The following XKR7 variants were observed in gnomAD, a reference collection of about 807,000 sequenced individuals.
XKR7 encodes the protein XK-related protein 7.
Under a neutral mutation model 42.2 loss-of-function variants are expected in XKR7, and 11 were observed. The ratio of observed to expected loss-of-function variants is 0.26; its 90% confidence interval spans 0.16 to 0.43. The LOEUF is 0.43. Among genes scored for constraint, XKR7 ranks in the 20% least tolerant of loss-of-function variants. XKR7 has a pLI of 1.00. For missense variants in XKR7, 710 were observed against 802.2 expected (o/e 0.89, Z 1.39); for synonymous variants, 346 against 366.4 (o/e 0.94, Z 0.64).
At chr20:31,988,783 T>C (rs1325175222) in intron 1 of XKR7, among the ~76,000 whole-genome samples, 1 of 152,142 alleles carries the variant, frequency 6.6e-6, no homozygotes, top group Non-Finnish European at 1.5e-5. Flanking sequence ...GAGGGCTTCC[T>C]GTAGGAAGAA....
chr20:31,969,981 A>C (rs995189455), intron 1 of XKR7, among the ~76,000 whole-genome samples: 1 of 152,150 alleles, frequency 6.6e-6, no homozygotes, highest in Non-Finnish European at 1.5e-5. Flanking sequence ...CCAGCTGCTC[A>C]CTTGCTGTGT....
intron 1 of XKR7, among the ~76,000 whole-genome samples, chr20:31,971,824 T>C: frequency 6.6e-6 from 1 of 151,904 alleles, no homozygotes; most frequent in East Asian, 1.9e-4. Context: ...ATACAAGGGG[T>C]GTCAGACAAG....
At position 31,997,118 on chromosome 20, in the gene XKR7, C is replaced by T. The variant is rs1310101503; in HGVS notation, c.1401C>T (p.Asp467=). The change falls in exon 3 of 3, where the codon GAC becomes GAT. Residue 467 remains aspartate (D), a synonymous_variant. Coordinates refer to ENST00000562532, the MANE Select transcript of XKR7 (RefSeq NM_001011718.2). ...KASEPCGPPA[D]AITSPPRSLP... ...CAGAGCCCTGTGGCCCACCCGCTGA[C>T]GCCATCACGAGTCCCCCCAGGTCCC... The T allele has an allele frequency of 6.2e-7, 1 of 1,612,936 alleles. No homozygotes were observed. Among genetic ancestry groups the T allele is most frequent in the South Asian group, 1.1e-5 (1 of 91,086 alleles).
Position 31,996,545 on chromosome 20 carries a change from G to T in XKR7, c.828G>T (p.Thr276=). Reference sequence around the variant, plus strand: ...CCTCCCTCGTGTCTCTGGCCTGGACGCTGGCCTCCTACCAGAAGGTGCTGC... The same window carrying T: ...CCTCCCTCGTGTCTCTGGCCTGGACTCTGGCCTCCTACCAGAAGGTGCTGC... ...TSASLVSLAW[T]LASYQKVLRD... The change falls in exon 3 of 3, where the codon ACG becomes ACT. Residue 276 remains threonine, a synonymous_variant. Transcript: ENST00000562532. 6.7e-7 allele frequency: 1 copy of T among 1,491,798 alleles called. No individual in the cohort carries two copies. The highest frequency in any genetic ancestry group is 8.9e-7 in the Non-Finnish European group (1 of 1,124,112). The allele number at this position is 1,491,798 out of a possible 1,614,324, so 92.4% of individuals were successfully genotyped here. A position where few individuals can be genotyped will look rare whatever the true frequency, so the allele number is the denominator to read the frequency against.
chr20:31,988,531 T>A (rs960253450), intron 1 of XKR7, among the ~76,000 whole-genome samples: 1 of 152,194 alleles, frequency 6.6e-6, no homozygotes, highest in Non-Finnish European at 1.5e-5. Flanking sequence ...TGTACACTCA[T>A]CTGCTCTTCC....
intron 1 of XKR7, among the ~76,000 whole-genome samples, chr20:31,989,859 C>T (rs576578647): frequency 1.5e-3 from 227 of 152,290 alleles, no homozygotes; most frequent in Non-Finnish European, 2.5e-3. Context: ...GTGATCCTCC[C>T]GCCTTGGCCT....
intron 1 of XKR7, among the ~76,000 whole-genome samples, chr20:31,979,210 C>CTTATCT (rs2064500031): frequency 1.3e-5 from 2 of 150,588 alleles, no homozygotes; most frequent in Admixed American, 1.3e-4. Flanking sequence ...TTCTTTTTTT[C>CTTATCT]TTTTCTTTTT....
At chr20:31,982,844 C>A (rs1034444132) in intron 1 of XKR7, among the ~76,000 whole-genome samples, 1 of 152,174 alleles carries the variant, frequency 6.6e-6, no homozygotes, top group Non-Finnish European at 1.5e-5. Context: ...AACCAAACTT[C>A]CTTCTTACTG....
rs1568895974 is a variant in XKR7 at position 31,999,041 on chromosome 20, CCCA to C, written c.*1586_*1588del. 6.9e-6 allele frequency: 1 copy of C among 144,528 alleles called. No homozygotes were observed. Among genetic ancestry groups the C allele is most frequent in the Non-Finnish European group, 1.5e-5 (1 of 65,312 alleles). 9.0% of individuals were successfully genotyped at this position (144,528 alleles called of 1,614,324 possible). ...GGGAACCCAACCCACCCCCCACCCC[CCCA>C]CACACACACTCCCACAGCAACTTAG... On this transcript the variant is annotated 3_prime_UTR_variant, in exon 3 of 3. Coordinates refer to ENST00000562532, the MANE Select transcript of XKR7 (RefSeq NM_001011718.2).
chr20:31,970,668 A>G (rs2064461209), intron 1 of XKR7: 3 of 152,122 alleles, frequency 2.0e-5, no homozygotes, highest in Middle Eastern at 3.2e-3. Flanking sequence ...AAAAAATTGG[A>G]TCTAGCAGTA....
intron 1 of XKR7, chr20:31,970,835 G>C (rs535578651): frequency 6.6e-6 from 1 of 152,244 alleles, no homozygotes; most frequent in South Asian, 2.1e-4. Context: ...AAGCCTACTG[G>C]TTGCCTTTTT....
In XKR7 at chr20:31,982,338, T is replaced by C. The variant is rs1176944502; in HGVS notation, c.585-12730T>C. Among the ~76,000 whole-genome samples, 3 of 151,972 alleles carry C rather than the reference T, an allele frequency of 2.0e-5. No homozygotes were observed. In the East Asian group the frequency reaches 5.8e-4, roughly 29 times the overall value. On this transcript the variant is annotated intron_variant, in intron 1 of 2. Transcript: ENST00000562532. ...GAGTTCGAGACCAGCCTGGCTGACA[T>C]GGCGAAACCCTGTCTCTACTAAAAA...
Position 32,002,731 on chromosome 20 carries a change from G to A in XKR7, c.*5274G>A, listed in dbSNP as rs1179188151. 6.6e-6 allele frequency: 1 copy of A among 152,162 alleles called. No individual in the cohort carries two copies. Among genetic ancestry groups the A allele is most frequent in the Non-Finnish European group, 1.5e-5 (1 of 68,030 alleles). The allele number at this position is 152,162 out of a possible 1,614,324, so 9.4% of individuals were successfully genotyped here. On this transcript the variant is annotated 3_prime_UTR_variant, in exon 3 of 3. Coordinates refer to ENST00000562532, the MANE Select transcript of XKR7 (RefSeq NM_001011718.2). ...CTGATTGCAGATAAATGTTTCTAAG[G>A]CCTCAAGTCAACTTCTAGGGCTTGA... is the stretch of plus-strand genomic sequence containing the variant.
In XKR7 at chr20:31,968,444, T is replaced by G. The variant is rs780453001; in HGVS notation, c.269T>G (p.Phe90Cys). The change falls in exon 1 of 3, where the codon TTC becomes TGC. Residue 90 changes from phenylalanine to cysteine, a missense_variant. Phe to Cys is a radical substitution (Grantham distance 205). Transcript: ENST00000562532. The surrounding 1 kb of genome is among the most constrained non-coding windows in gnomAD (Gnocchi z 4.5). ...TACCTGCAGAATCAACACACCTACT[T>G]CAGCCTCACCTTGCTGTTCGTGCTC... ...SYYLQNQHTY[F>C]SLTLLFVLLP... 1.2e-5 allele frequency: 19 copies of G among 1,613,856 alleles called. No homozygotes were observed. In the South Asian group the frequency reaches 2.1e-4, roughly 18 times the overall value.
At chr20:31,996,377 ATC>A (rs2064591314) in intron 2 of XKR7, 126 bp from the exon 3 acceptor site, 2 of 643,450 alleles carry the variant, frequency 3.1e-6, no homozygotes, top group Non-Finnish European at 5.0e-6. Flanking sequence ...ACCCCTGCTG[ATC>A]CACAGCTCCT....
At chr20:31,991,146 G>A (rs1333531781) in intron 1 of XKR7, among the ~76,000 whole-genome samples, 1 of 152,218 alleles carries the variant, frequency 6.6e-6, no homozygotes, top group Non-Finnish European at 1.5e-5. Flanking sequence ...GATGGATGCT[G>A]GCCAGGGGCC....
rs6061066 is a variant in XKR7 at position 31,968,279 on chromosome 20, C to T, written c.104C>T (p.Ala35Val). The T allele has an allele frequency of 9.2e-3, 10,847 of 1,177,854 alleles. 723 individuals are homozygous for T. In the African/African-American group the frequency reaches 0.15, roughly 16 times the overall value. The allele number at this position is 1,177,854 out of a possible 1,614,324, so 73.0% of individuals were successfully genotyped here. A position where few individuals can be genotyped will look rare whatever the true frequency, so the allele number is the denominator to read the frequency against. ...GCCGGCGGGCGCGGGGAGGCGGCGG[C>T]GGCGGCCGGGCCCCCGGGGGTCGTC... Reference protein sequence around the residue: ...GSAGGRGEAAAAAGPPGVVGA... With the variant: ...GSAGGRGEAAVAAGPPGVVGA... The change falls in exon 1 of 3, where the codon GCG becomes GTG. Residue 35 changes from alanine (A) to valine (V), a missense_variant. Physicochemically the swap from Ala to Val is moderately conservative, Grantham distance 64 (BLOSUM62 0). Around this residue, in one of 2 missense-constraint regions of XKR7, gnomAD observed 708 missense variants for 786.2 expected, o/e 0.90. Transcript: ENST00000562532. The surrounding 1 kb of genome is among the most constrained non-coding windows in gnomAD (Gnocchi z 4.5).
chr20:31,969,401 A>G (rs2064453778), intron 1 of XKR7, among the ~76,000 whole-genome samples: 1 of 152,170 alleles, frequency 6.6e-6, no homozygotes, highest in African/African-American at 2.4e-5. Context: ...GGGATTTGGA[A>G]TCTTGAATCT....
chr20:31,977,398 C>T (rs888541431), intron 1 of XKR7, among the ~76,000 whole-genome samples: 1 of 152,126 alleles, frequency 6.6e-6, no homozygotes, highest in African/African-American at 2.4e-5. Flanking sequence ...CTTGGGGCAC[C>T]AGCGCAGATC....
Sources: gnomAD v4.1 joint callset for allele counts (sites outside exome capture counted in the v4.1 genomes callset) on GRCh38, gnomAD v4.1.1 for gene constraint, gnomAD v4.1.1 regional missense constraint, Gnocchi (gnomAD v3.1) non-coding constraint, MANE v1.5 for transcripts, NCBI Gene and HGNC (gene_info 2026-07-23, HGNC 2026-07-21) for gene names.